PXYLP1: variants seen among roughly 807,000 people sequenced by gnomAD.
The protein encoded by PXYLP1 is 2-phosphoxylose phosphatase 1.
Under a neutral mutation model 37.9 loss-of-function variants are expected in PXYLP1, and 17 were observed. The observed-to-expected ratio is 0.45, with a 90% confidence interval of 0.31 to 0.67. PXYLP1 has a LOEUF of 0.67. PXYLP1 is among the 30% of genes least tolerant of loss of function. The probability of loss-of-function intolerance (pLI) is 0.07; values close to 1 mark genes in which losing one functional copy is unlikely to be tolerated. For missense variants in PXYLP1, 511 were observed against 612.0 expected (o/e 0.84, Z 1.74); for synonymous variants, 221 against 232.2 (o/e 0.95, Z 0.44).
intron 4 of PXYLP1, among the ~76,000 whole-genome samples, chr3:141,283,004 G>A (rs979594812): frequency 1.3e-5 from 2 of 151,666 alleles, no homozygotes; most frequent in Non-Finnish European, 2.9e-5. Context: ...GTCTCGCTCT[G>A]TCACTAGGCT....
intron 1 of PXYLP1, among the ~76,000 whole-genome samples, chr3:141,238,278 C>A (rs777842620): frequency 6.6e-6 from 1 of 152,212 alleles, no homozygotes; most frequent in Non-Finnish European, 1.5e-5. Flanking sequence ...AAAGAGAGGA[C>A]CTTCCTCCTC....
chr3:141,241,897 A>T (rs2107887865), intron 1 of PXYLP1, among the ~76,000 whole-genome samples: 1 of 152,206 alleles, frequency 6.6e-6, no homozygotes, highest in Admixed American at 6.5e-5. Context: ...TTGTGCCGTC[A>T]CGTCTTGTGC....
chr3:141,278,425 C>G lies in PXYLP1; in HGVS notation c.163C>G (p.Pro55Ala), dbSNP rs1299733267. The change falls in exon 3 of 6, where the codon CCC becomes GCC. Residue 55 changes from proline (P) to alanine (A), a missense_variant. Physicochemically the swap from Pro to Ala is conservative, Grantham distance 27. Transcript: ENST00000286353. Reference sequence around the variant, plus strand: ...AATCATGCCCGACCCTGTGACGGAGCCCCCTGTGACAGACCCCGTTTATGA... The same window carrying G: ...AATCATGCCCGACCCTGTGACGGAGGCCCCTGTGACAGACCCCGTTTATGA... Reference protein sequence around the residue: ...KRIMPDPVTEPPVTDPVYEAL... With the variant: ...KRIMPDPVTEAPVTDPVYEAL... The G allele has an allele frequency of 6.2e-7, 1 of 1,614,184 alleles. No individual in the cohort carries two copies. Among genetic ancestry groups the G allele is most frequent in the East Asian group, 2.2e-5 (1 of 44,886 alleles).
rs371371412 is a variant in PXYLP1, at chr3:141,277,011, G to A, written c.80-1331G>A. Among the ~76,000 whole-genome samples, 26 of 152,116 alleles carry A rather than the reference G, an allele frequency of 1.7e-4. No individual in the cohort carries two copies. The East Asian group carries it at 4.0e-3, about 24-fold the overall frequency. On this transcript the variant is annotated intron_variant, in intron 2 of 5. Transcript: ENST00000286353. Reference sequence around the variant, plus strand: ...ATTGGCCATTGGTATTTATTTTTCTGCGATTAGCCTGTTCATATCCTTTAA... The same window carrying A: ...ATTGGCCATTGGTATTTATTTTTCTACGATTAGCCTGTTCATATCCTTTAA...
chr3:141,236,788 T>TC (rs1940667837), intron 1 of PXYLP1, among the ~76,000 whole-genome samples: 1 of 152,208 alleles, frequency 6.6e-6, no homozygotes, highest in African/African-American at 2.4e-5. Flanking sequence ...GTTAGTAAAG[T>TC]TGTAGAACAA....
rs770409338 is a variant in PXYLP1, at chr3:141,293,184, A to G, written c.1422A>G (p.Ala474=). Residue 474 remains alanine, a synonymous_variant, in exon 6 of 6, where the codon GCA becomes GCG. Transcript: ENST00000286353. ...LGGSGTNYYD[A]CHREGF is the part of the protein sequence containing the mutation. ...GCAGTGGTACAAATTATTATGATGC[A>G]TGTCACAGGGAAGGATTCTAAAAGG... 1.2e-5 allele frequency: 20 copies of G among 1,613,622 alleles called. No homozygotes were observed. The highest frequency in any genetic ancestry group is 2.2e-5 in the South Asian group (2 of 91,050).
At chr3:141,274,762 C>A in intron 2 of PXYLP1, 1 of 659,180 alleles carries the variant, frequency 1.5e-6, no homozygotes, top group Non-Finnish European at 2.8e-6. Flanking sequence ...TGCTGTGAGC[C>A]ATGACGGCAG....
At chr3:141,268,936 C>T (rs1048886088) in intron 2 of PXYLP1, among the ~76,000 whole-genome samples, 2 of 152,202 alleles carry the variant, frequency 1.3e-5, no homozygotes, top group Non-Finnish European at 2.9e-5. Context: ...TTCTCTTTTC[C>T]CTGTGTCATC....
intron 1 of PXYLP1, among the ~76,000 whole-genome samples, chr3:141,239,053 G>A (rs1940728744): frequency 9.8e-6 from 1 of 102,004 alleles, no homozygotes; most frequent in Non-Finnish European, 1.9e-5. Flanking sequence ...AATTTTAAAT[G>A]AAGTTTTGTC....
intron 4 of PXYLP1, among the ~76,000 whole-genome samples, chr3:141,280,921 A>C (rs1941938704): frequency 6.6e-6 from 1 of 152,220 alleles, no homozygotes; most frequent in Non-Finnish European, 1.5e-5. Context: ...GTTTCCATCC[A>C]CGATGCCACA....
At chr3:141,268,307 TA>T (rs1189712994) in intron 2 of PXYLP1, among the ~76,000 whole-genome samples, 1 of 151,720 alleles carries the variant, frequency 6.6e-6, no homozygotes, top group African/African-American at 2.4e-5. Flanking sequence ...TTAGTAGAAG[TA>T]TTCAGTGAAT....
intron 5 of PXYLP1, among the ~76,000 whole-genome samples, chr3:141,288,281 TG>T (rs1481349488): frequency 6.6e-6 from 1 of 152,244 alleles, no homozygotes; most frequent in Non-Finnish European, 1.5e-5. Context: ...GAAGACCCAT[TG>T]GCCATGTTCT....
chr3:141,263,632 G>A (rs561032151), intron 2 of PXYLP1, among the ~76,000 whole-genome samples: 58 of 152,264 alleles, frequency 3.8e-4, no homozygotes, highest in African/African-American at 1.3e-3. Flanking sequence ...CTTGGCCCTT[G>A]CATTTTCTTA....
intron 1 of PXYLP1, among the ~76,000 whole-genome samples, chr3:141,240,562 C>T (rs889546991): frequency 7.9e-5 from 12 of 152,056 alleles, no homozygotes; most frequent in South Asian, 2.1e-4. Flanking sequence ...AGCATACCTT[C>T]CAAGGGGAGG....
At chr3:141,271,504 G>A (rs1349076084) in intron 2 of PXYLP1, among the ~76,000 whole-genome samples, 1 of 152,214 alleles carries the variant, frequency 6.6e-6, no homozygotes, top group African/African-American at 2.4e-5. Flanking sequence ...TTCTTTGCTG[G>A]TGTAGTCAGT....
chr3:141,291,912 C>T (rs1349241317), intron 5 of PXYLP1, among the ~76,000 whole-genome samples: 3 of 152,238 alleles, frequency 2.0e-5, no homozygotes, highest in African/African-American at 7.2e-5. Context: ...TCTCCTTAGG[C>T]CCATGCAATT....
At chr3:141,255,854 A>G (rs1941251752) in intron 1 of PXYLP1, among the ~76,000 whole-genome samples, 1 of 152,212 alleles carries the variant, frequency 6.6e-6, no homozygotes, top group Non-Finnish European at 1.5e-5. Flanking sequence ...AGAAAGAGCC[A>G]GTTGGCTGGT....
chr3:141,261,974 C>T (rs1941403982), intron 2 of PXYLP1: 2 of 152,294 alleles, frequency 1.3e-5, no homozygotes, highest in African/African-American at 4.8e-5. Context: ...TTGGCACCCA[C>T]ACCACCCAGG....
chr3:141,240,784 C>T (rs1940778211), intron 1 of PXYLP1, among the ~76,000 whole-genome samples: 1 of 152,142 alleles, frequency 6.6e-6, no homozygotes, highest in Non-Finnish European at 1.5e-5. Flanking sequence ...CGTCTTCATC[C>T]CCAGGAGATC....
Sources: allele counts gnomAD v4.1 joint callset (sites outside exome capture counted in the v4.1 genomes callset), GRCh38; gene constraint gnomAD v4.1.1; transcripts MANE v1.5; gene names NCBI Gene and HGNC (gene_info 2026-07-23, HGNC 2026-07-21).